The following SPPL2A variants were observed in gnomAD, a reference collection of about 807,000 sequenced individuals.
SPPL2A encodes signal peptide peptidase-like 2A.
In SPPL2A, 51 loss-of-function variants were observed where a neutral mutation model predicts 63.8. That is an observed-to-expected ratio of 0.80 (90% CI 0.64 to 1.01). The LOEUF (loss-of-function observed/expected upper bound fraction) is 1.01. SPPL2A is among the 50% of genes least tolerant of loss of function. The pLI, the probability that SPPL2A is intolerant of heterozygous loss-of-function variation, is 0.00. For synonymous variants in SPPL2A, 188 were observed against 205.8 expected, an observed-to-expected ratio of 0.91 and a Z score of 0.74; for missense variants, 553 against 622.7, an observed-to-expected ratio of 0.89 and a Z score of 1.19.
chr15:50,731,131 T>G, intron 9 of SPPL2A, 92 bp from the exon 10 acceptor site: 1 of 584,828 alleles, frequency 1.7e-6, no homozygotes, highest in Non-Finnish European at 3.1e-6. Context: ...AATATATGAA[T>G]ATACATTTAA....
chr15:50,722,418 T>C (rs562381895), intron 12 of SPPL2A, among the ~76,000 whole-genome samples: 5 of 152,362 alleles, frequency 3.3e-5, no homozygotes, highest in African/African-American at 1.2e-4. Flanking sequence ...AGTTTTTAAC[T>C]ATCATTTTTA....
intron 1 of SPPL2A, among the ~76,000 whole-genome samples, chr15:50,759,005 G>C (rs1348739631): frequency 6.6e-6 from 1 of 151,850 alleles, no homozygotes; most frequent in East Asian, 1.9e-4. Context: ...TCAACTCCTG[G>C]GTGACTCACC....
At chr15:50,722,284 A>G (rs1178880203) in intron 12 of SPPL2A, 83 bp from the exon 13 acceptor site, 1 of 757,724 alleles carries the variant, frequency 1.3e-6, no homozygotes, top group Non-Finnish European at 2.2e-6. Flanking sequence ...AGTATATGTT[A>G]TATTGAATCT....
intron 14 of SPPL2A, among the ~76,000 whole-genome samples, chr15:50,713,754 A>C (rs994423450): frequency 3.9e-5 from 6 of 152,196 alleles, no homozygotes; most frequent in Non-Finnish European, 7.3e-5. Context: ...GATTTAACAA[A>C]AACCCAAAGT....
intron 12 of SPPL2A, among the ~76,000 whole-genome samples, chr15:50,723,739 G>C (rs2062665326): frequency 6.6e-6 from 1 of 152,218 alleles, no homozygotes; most frequent in Non-Finnish European, 1.5e-5. Flanking sequence ...GTCTCCCAAA[G>C]GGCCGGGATT....
chr15:50,749,434 CCTG>C (rs2062887734), intron 2 of SPPL2A, among the ~76,000 whole-genome samples, 199 bp downstream of exon 2: 1 of 152,092 alleles, frequency 6.6e-6, no homozygotes, highest in Non-Finnish European at 1.5e-5. Flanking sequence ...ACTACAGGCG[CCTG>C]CCACCACACC....
rs187696428 is a variant in SPPL2A, at chr15:50,756,773, G to A, written c.67-7027C>T. 1.2e-3 allele frequency among the ~76,000 whole-genome samples: 183 copies of A among 152,118 alleles called. 1 individual carries two copies. The highest frequency in any genetic ancestry group is 3.5e-4 in the Non-Finnish European group (24 of 68,000). On this transcript the variant is annotated intron_variant, in intron 1 of 14. Coordinates refer to ENST00000261854, the MANE Select transcript of SPPL2A (RefSeq NM_032802.4). Reference sequence around the variant, plus strand: ...AGGGATTTAGAAATAACATAATCTAGTCTCTTCATCTTATATATGAAACAG... The same window carrying A: ...AGGGATTTAGAAATAACATAATCTAATCTCTTCATCTTATATATGAAACAG...
intron 9 of SPPL2A, 68 bp from the exon 10 acceptor site, chr15:50,731,107 T>G (rs891915866): frequency 8.7e-6 from 6 of 686,146 alleles, no homozygotes; most frequent in Non-Finnish European, 1.6e-5. Context: ...TAAATTGTTT[T>G]TCAAGTGCAA....
chr15:50,738,520 G>T (rs2062792438), intron 6 of SPPL2A, among the ~76,000 whole-genome samples: 2 of 150,834 alleles, frequency 1.3e-5, no homozygotes, highest in Admixed American at 1.3e-4. Context: ...CTGCACTCCA[G>T]CCTGGGCGAC....
intron 14 of SPPL2A, among the ~76,000 whole-genome samples, chr15:50,708,092 C>T (rs1381538788): frequency 6.6e-6 from 1 of 152,192 alleles, no homozygotes; most frequent in African/African-American, 2.4e-5. Context: ...GACTCAAAGC[C>T]AATTTGTGTT....
intron 14 of SPPL2A, among the ~76,000 whole-genome samples, chr15:50,714,086 G>C (rs555513825): frequency 1.5e-4 from 23 of 152,114 alleles, no homozygotes; most frequent in African/African-American, 5.5e-4. Context: ...TACTTCTATG[G>C]GTTATTTTGT....
rs35349553 is a variant in SPPL2A at position 50,724,577 on chromosome 15, C to CA, written c.1249+643dup. ...TGGGCAACAGAGCAAGACTCCATCT[C>CA]AAAAAAAAAAAAAGAAAAATGAAGA... is the stretch of plus-strand genomic sequence containing the variant. On this transcript the variant is annotated intron_variant, in intron 12 of 14. Transcript: ENST00000261854. Among the ~76,000 whole-genome samples the CA allele has an allele frequency of 4.4e-3, 548 of 125,082 alleles. 3 individuals are homozygous for CA. The highest frequency in any genetic ancestry group is 0.013 in the African/African-American group (414 of 31,560). The allele number at this position is 125,082 out of a possible 152,430, so 82.1% of individuals were successfully genotyped here. A position where few individuals can be genotyped will look rare whatever the true frequency, so the allele number is the denominator to read the frequency against.
At chr15:50,742,146 A>C (rs1368302557) in intron 5 of SPPL2A, among the ~76,000 whole-genome samples, 3 of 151,994 alleles carry the variant, frequency 2.0e-5, no homozygotes, top group African/African-American at 7.2e-5. Context: ...ATGGTAGCTC[A>C]CGCCTGTAAT....
chr15:50,706,881 TTA>T lies in SPPL2A; in HGVS notation c.*917_*918del, dbSNP rs1347611026. Reference sequence around the variant, plus strand: ...TCCTTTTAGTGACTAGTTCTATATATTATGTTTCTCTATATCTGGAAAAATGT... The same window carrying T: ...TCCTTTTAGTGACTAGTTCTATATATTGTTTCTCTATATCTGGAAAAATGT... On this transcript the variant is annotated 3_prime_UTR_variant, in exon 15 of 15. Transcript: ENST00000261854. 6.6e-6 allele frequency: 1 copy of T among 152,068 alleles called. No homozygotes were observed. Among genetic ancestry groups the T allele is most frequent in the Non-Finnish European group, 1.5e-5 (1 of 68,002 alleles). 9.4% of individuals were successfully genotyped at this position (152,068 alleles called of 1,614,324 possible).
rs2062496143 is a variant in SPPL2A at position 50,704,511 on chromosome 15, G to A, written c.*3289C>T. 6.6e-6 allele frequency: 1 copy of A among 150,980 alleles called. No homozygotes were observed. Among genetic ancestry groups the A allele is most frequent in the Non-Finnish European group, 1.5e-5 (1 of 67,818 alleles). The allele number at this position is 150,980 out of a possible 1,614,324, so 9.4% of individuals were successfully genotyped here. A position where few individuals can be genotyped will look rare whatever the true frequency, so the allele number is the denominator to read the frequency against. On this transcript the variant is annotated 3_prime_UTR_variant, in exon 15 of 15. Coordinates refer to ENST00000261854, the MANE Select transcript of SPPL2A (RefSeq NM_032802.4). ...ATTTCTGTTGATAAGCCACAAAAAT[G>A]TTCAAAGGGATTTTCTAACTTTTTT...
chr15:50,723,745 G>C (rs1468102243), intron 12 of SPPL2A, among the ~76,000 whole-genome samples: 1 of 152,210 alleles, frequency 6.6e-6, no homozygotes, highest in African/African-American at 2.4e-5. Context: ...CAAAGGGCCG[G>C]GATTACAGGC....
In SPPL2A at chr15:50,749,717, C is replaced by T. The variant is rs372546749; in HGVS notation, c.96G>A (p.Ala32=). 88 of 1,613,340 alleles carry T rather than the reference C, an allele frequency of 5.5e-5. No homozygotes were observed. The highest frequency in any genetic ancestry group is 3.3e-4 in the Middle Eastern group (2 of 6,080). The change falls in exon 2 of 15, where the codon GCG becomes GCA. Residue 32 remains alanine (A), a synonymous_variant. Coordinates refer to ENST00000261854, the MANE Select transcript of SPPL2A (RefSeq NM_032802.4). ...AGTCCTTGGTTGTGCCATTTCCAGA[C>T]GCATGCAAGATTGCTTCCTGAGCGG... ...LTAAQEAILH[A]SGNGTTKDYC... is the part of the protein sequence containing the mutation.
intron 14 of SPPL2A, among the ~76,000 whole-genome samples, chr15:50,709,359 C>A (rs2062538911): frequency 6.6e-6 from 1 of 152,082 alleles, no homozygotes; most frequent in Non-Finnish European, 1.5e-5. Context: ...GTTCTGAAGG[C>A]TTTAGTGTTT....
At chr15:50,711,135 A>T (rs948086108) in intron 14 of SPPL2A, among the ~76,000 whole-genome samples, 3 of 152,128 alleles carry the variant, frequency 2.0e-5, no homozygotes, top group Non-Finnish European at 4.4e-5. Flanking sequence ...AAAAATGTTC[A>T]TAGGAAATAC....
Sources: allele counts gnomAD v4.1 joint callset (sites outside exome capture counted in the v4.1 genomes callset), GRCh38; gene constraint gnomAD v4.1.1; transcripts MANE v1.5; gene names NCBI Gene and HGNC (gene_info 2026-07-23, HGNC 2026-07-21).